LHX6: variants seen among roughly 807,000 people sequenced by gnomAD.
LHX6 encodes LIM homeobox 6.
In LHX6, 15 loss-of-function variants were observed where a neutral mutation model predicts 47.1. The observed-to-expected ratio is 0.32, with a 90% CI of 0.21 to 0.49. The LOEUF is 0.49. Among genes scored for constraint, LHX6 ranks in the 20% least tolerant of loss-of-function variants. LHX6 has a pLI of 0.99. For synonymous variants in LHX6, 242 were observed against 233.5 expected, an observed-to-expected ratio of 1.04 and a Z score of -0.33; for missense variants, 404 against 539.6, an observed-to-expected ratio of 0.75 and a Z score of 2.49.
intron 4 of LHX6, among the ~76,000 whole-genome samples, chr9:122,225,200 G>A (rs1394260155): frequency 6.6e-6 from 1 of 152,216 alleles, no homozygotes; most frequent in Non-Finnish European, 1.5e-5. Flanking sequence ...AAGCCATGAC[G>A]TCTTCCTGTG....
intron 9 of LHX6, among the ~76,000 whole-genome samples, chr9:122,208,051 C>T (rs551661040): frequency 1.3e-5 from 2 of 152,238 alleles, no homozygotes; most frequent in South Asian, 4.1e-4. Context: ...TACTGGGTGT[C>T]CTCCAACCCA....
Position 122,213,952 on chromosome 9 carries a change from G to T in LHX6, c.879+22C>A, listed in dbSNP as rs1564436795. On this transcript the variant is annotated intron_variant, in intron 7 of 9. Coordinates refer to ENST00000394319, the MANE Select transcript of LHX6 (RefSeq NM_014368.5). The surrounding 1 kb of genome is among the most constrained non-coding windows in gnomAD (Gnocchi z 5.5). ...TCCGGGGCGTGCCCGCGGTCCCCAG[G>T]CCCCGCCCACCCCCGTCCCACCTGG... 1.4e-6 allele frequency: 2 copies of T among 1,461,940 alleles called. No individual in the cohort carries two copies. The highest frequency in any genetic ancestry group is 1.9e-6 in the Non-Finnish European group (2 of 1,055,336). The allele number at this position is 1,461,940 out of a possible 1,614,324, so 90.6% of individuals were successfully genotyped here.
intron 4 of LHX6, among the ~76,000 whole-genome samples, chr9:122,219,958 GGT>G (rs1338502146): frequency 6.6e-6 from 1 of 152,258 alleles, no homozygotes; most frequent in African/African-American, 2.4e-5. Flanking sequence ...TGGAGAAGGC[GGT>G]GAGTGCGTCC....
At chr9:122,223,921 G>A (rs1830980656) in intron 4 of LHX6, among the ~76,000 whole-genome samples, 1 of 152,148 alleles carries the variant, frequency 6.6e-6, no homozygotes, top group South Asian at 2.1e-4. Flanking sequence ...TAGTCTATGG[G>A]AGAGACCCAG....
Position 122,226,925 on chromosome 9 carries a change from C to T in LHX6, c.262G>A (p.Ala88Thr), listed in dbSNP as rs1342239564. 16 of 1,559,564 alleles carry T rather than the reference C, an allele frequency of 1.0e-5. No individual in the cohort carries two copies. The highest frequency in any genetic ancestry group is 1.1e-5 in the Non-Finnish European group (13 of 1,151,802). ...TPSVCSPPSA[A>T]SSVPSAGKNI... ...TTGCCTGCAGACGGCACGGAGGAGG[C>T]GGCAGAGGGCGGTGAGCAGACAGAT... The change falls in exon 3 of 10, where the codon GCC becomes ACC. Residue 88 changes from alanine to threonine, a missense_variant. Around this residue, in one of 7 missense-constraint regions of LHX6, gnomAD observed 144 missense variants for 128.7 expected, o/e 1.12. Coordinates refer to ENST00000394319, the MANE Select transcript of LHX6 (RefSeq NM_014368.5). The surrounding 1 kb of genome is among the most constrained non-coding windows in gnomAD (Gnocchi z 6.5).
chr9:122,223,342 T>C (rs1467147107), intron 4 of LHX6, among the ~76,000 whole-genome samples: 3 of 152,150 alleles, frequency 2.0e-5, no homozygotes, highest in Non-Finnish European at 2.9e-5. Context: ...AAAAGATTAG[T>C]GCTCAGAACC....
chr9:122,227,241 G>T, intron 2 of LHX6, 168 bp downstream of exon 2: 1 of 827,514 alleles, frequency 1.2e-6, no homozygotes, highest in Non-Finnish European at 1.8e-6. Flanking sequence ...TGCTGGGAGC[G>T]GTTAAAGCCA....
chr9:122,226,822 G>T lies in LHX6; in HGVS notation c.339+26C>A, dbSNP rs1251986382. ...GCTGCGTCCCACGCCCCGACAACAC[G>T]CACGCAACACCTACCCCTGTCTCAC... On this transcript the variant is annotated intron_variant, in intron 3 of 9. Coordinates refer to ENST00000394319, the MANE Select transcript of LHX6 (RefSeq NM_014368.5). The surrounding 1 kb of genome is among the most constrained non-coding windows in gnomAD (Gnocchi z 6.5). 6.4e-7 allele frequency: 1 copy of T among 1,552,182 alleles called. No homozygotes were observed.
intron 9 of LHX6, among the ~76,000 whole-genome samples, chr9:122,208,604 GGT>G (rs1399279930): frequency 1.3e-5 from 2 of 152,138 alleles, no homozygotes; most frequent in African/African-American, 2.4e-5. Flanking sequence ...GGCTGAGGCG[GGT>G]GGATCACCTG....
chr9:122,221,284 G>C, intron 4 of LHX6: 1 of 984,590 alleles, frequency 1.0e-6, no homozygotes, highest in Non-Finnish European at 1.2e-6. Flanking sequence ...CGGAGGTCCC[G>C]GCCCCGAGGC....
At chr9:122,215,581 G>A (rs948885362) in intron 5 of LHX6, among the ~76,000 whole-genome samples, 27 of 152,322 alleles carry the variant, frequency 1.8e-4, no homozygotes, top group African/African-American at 6.0e-4. Flanking sequence ...GCCTGTGGTC[G>A]CTGATGGACC....
In LHX6 at chr9:122,214,190, G is replaced by A. The variant is rs2118854787; in HGVS notation, c.783+93C>T. On this transcript the variant is annotated intron_variant, in intron 6 of 9. Coordinates refer to ENST00000394319, the MANE Select transcript of LHX6 (RefSeq NM_014368.5). The surrounding 1 kb of genome is among the most constrained non-coding windows in gnomAD (Gnocchi z 4.6). ...GCTGCGGCCCCGCCCCGCCACCCGG[G>A]TCCGGCCCGAGGGGCGGAGCCAGGA... 3 of 1,358,212 alleles carry A rather than the reference G, an allele frequency of 2.2e-6. No homozygotes were observed. In the East Asian group the frequency reaches 8.1e-5, roughly 37 times the overall value. 84.1% of individuals were successfully genotyped at this position (1,358,212 alleles called of 1,614,324 possible).
chr9:122,214,501 G>T lies in LHX6; in HGVS notation c.683-118C>A, dbSNP rs936348243. On this transcript the variant is annotated intron_variant, in intron 5 of 9. Coordinates refer to ENST00000394319, the MANE Select transcript of LHX6 (RefSeq NM_014368.5). This position sits in a 1 kb window ranked among gnomAD's most constrained non-coding sequence, Gnocchi z 4.6. ...GGTCAGGAGCGGGAGTTGGCTGGGA[G>T]CAGGGATCCCAGGGTCCTAGTCCCT... 2 of 1,347,334 alleles carry T rather than the reference G, an allele frequency of 1.5e-6. No individual in the cohort carries two copies. Among genetic ancestry groups the T allele is most frequent in the African/African-American group, 1.5e-5 (1 of 64,540 alleles). 83.5% of individuals were successfully genotyped at this position (1,347,334 alleles called of 1,614,324 possible).
intron 4 of LHX6, chr9:122,221,832 T>C (rs1352031110): frequency 6.4e-6 from 3 of 471,234 alleles, no homozygotes; most frequent in Non-Finnish European, 8.3e-6. Flanking sequence ...GTGGCTGATA[T>C]ATCTCACCTA....
intron 2 of LHX6, 129 bp downstream of exon 2, chr9:122,227,278 CAG>C (rs962271732): frequency 9.9e-7 from 1 of 1,011,436 alleles, no homozygotes; most frequent in African/African-American, 1.7e-5. Flanking sequence ...AACCGAGGCT[CAG>C]AGAGGGGCGG....
At position 122,226,325 on chromosome 9, in the gene LHX6, C is replaced by A. The variant is rs771434773; in HGVS notation, c.461+51G>T. On this transcript the variant is annotated intron_variant, in intron 4 of 9. Coordinates refer to ENST00000394319, the MANE Select transcript of LHX6 (RefSeq NM_014368.5). This position sits in a 1 kb window ranked among gnomAD's most constrained non-coding sequence, Gnocchi z 6.5. Reference sequence around the variant, plus strand: ...ACGCCGCAAAAGTGGCCTCCGAATGCGCCCGGGGCCTGCCCTCGGCGACAC... The same window carrying A: ...ACGCCGCAAAAGTGGCCTCCGAATGAGCCCGGGGCCTGCCCTCGGCGACAC... The A allele has an allele frequency of 1.9e-6, 3 of 1,569,048 alleles. No homozygotes were observed. Among genetic ancestry groups the A allele is most frequent in the Non-Finnish European group, 2.6e-6 (3 of 1,157,300 alleles).
Position 122,227,446 on chromosome 9 carries a change from G to A in LHX6, c.119C>T (p.Thr40Ile). 1 of 1,529,864 alleles carries A rather than the reference G, an allele frequency of 6.5e-7. No individual in the cohort carries two copies. Among genetic ancestry groups the A allele is most frequent in the South Asian group, 1.2e-5 (1 of 83,588 alleles). 94.8% of individuals were successfully genotyped at this position (1,529,864 alleles called of 1,614,324 possible). Reference protein sequence around the residue: ...MAQPGSGCKATTRCLEGTAPP... With the variant: ...MAQPGSGCKAITRCLEGTAPP... ...CGCGGTCCCTTCAAGACAGCGGGTG[G>A]TCGCTTTGCAGCCGGACCCTGGCTG... Residue 40 changes from threonine to isoleucine, a missense_variant, in exon 2 of 10, where the codon ACC (threonine) becomes ATC (isoleucine). Coordinates refer to ENST00000394319, the MANE Select transcript of LHX6 (RefSeq NM_014368.5).
At chr9:122,227,968 CA>C in intron 1 of LHX6, 1 of 186,298 alleles carries the variant, frequency 5.4e-6, no homozygotes, top group Non-Finnish European at 1.1e-5. Flanking sequence ...CCCCCCACCC[CA>C]CTCCCCTTCC....
intron 9 of LHX6, among the ~76,000 whole-genome samples, chr9:122,207,777 T>C (rs974214889): frequency 6.6e-6 from 1 of 152,096 alleles, no homozygotes; most frequent in Non-Finnish European, 1.5e-5. Flanking sequence ...GGTACCATCC[T>C]AAAGGAGCTG....
Sources: allele counts gnomAD v4.1 joint callset (sites outside exome capture counted in the v4.1 genomes callset), GRCh38; gene constraint gnomAD v4.1.1; regional missense constraint gnomAD v4.1.1; non-coding constraint Gnocchi (gnomAD v3.1); transcripts MANE v1.5; gene names NCBI Gene and HGNC (gene_info 2026-07-23, HGNC 2026-07-21).